NEBL: variants seen among roughly 807,000 people sequenced by gnomAD.
NEBL encodes nebulette.
Under a neutral mutation model 140.2 loss-of-function variants are expected in NEBL, and 122 were observed. The observed-to-expected ratio is 0.87, with a 90% CI of 0.75 to 1.01. NEBL has a LOEUF of 1.01. NEBL is among the 50% of genes least tolerant of loss of function. The probability of loss-of-function intolerance (pLI) is 0.00; values close to 1 mark genes in which losing one functional copy is unlikely to be tolerated. For missense variants in NEBL, 1,365 were observed against 1,231.3 expected (o/e 1.11, Z -1.62); for synonymous variants, 436 against 398.9 (o/e 1.09, Z -1.11).
chr10:21,289,314 G>C (rs1428326833), intron 1 of NEBL, among the ~76,000 whole-genome samples: 2 of 152,158 alleles, frequency 1.3e-5, no homozygotes, highest in Non-Finnish European at 2.9e-5. Flanking sequence ...TATTCACGGA[G>C]ATCATGAAGG....
intron 3 of NEBL, among the ~76,000 whole-genome samples, chr10:20,972,603 T>C (rs371329351): frequency 1.3e-5 from 2 of 151,770 alleles, no homozygotes; most frequent in Non-Finnish European, 1.5e-5. Flanking sequence ...AAAAATTAGC[T>C]GGGCATGGCA....
chr10:20,877,701 C>T (rs542129768), intron 5 of NEBL, among the ~76,000 whole-genome samples: 21 of 152,240 alleles, frequency 1.4e-4, no homozygotes, highest in Middle Eastern at 3.4e-3. Flanking sequence ...AGGCAAAGAC[C>T]CCATTTGCAT....
Position 21,193,024 on chromosome 10 carries a change from A to G in NEBL, n.349-20547T>C, listed in dbSNP as rs73609228. ...AGGACTGACTCGATGTTGAATGTTC[A>G]GCGATAAGAAGTTTGCTGGGCAGTC... is the stretch of plus-strand genomic sequence containing the variant. On this transcript the variant is annotated intron_variant and non_coding_transcript_variant, in intron 3 of 8. Coordinates refer to the NEBL transcript ENST00000675702. Among the ~76,000 whole-genome samples, 526 of 152,286 alleles carry G rather than the reference A, an allele frequency of 3.5e-3. 1 individual carries two copies. The highest frequency in any genetic ancestry group is 0.011 in the African/African-American group (470 of 41,558).
chr10:20,965,240 G>A (rs538138163), intron 3 of NEBL, among the ~76,000 whole-genome samples: 13 of 152,168 alleles, frequency 8.5e-5, no homozygotes, highest in Non-Finnish European at 1.8e-4. Context: ...TACAATGCAA[G>A]AGATGAAAAA....
At chr10:20,820,045 C>T (rs1363819074) in intron 19 of NEBL, among the ~76,000 whole-genome samples, 3 of 152,030 alleles carry the variant, frequency 2.0e-5, no homozygotes, top group African/African-American at 7.2e-5. Context: ...AGCACTAAAG[C>T]AACATTTATC....
intron 7 of NEBL, among the ~76,000 whole-genome samples, chr10:20,867,332 T>C (rs140902800): frequency 1.3e-5 from 2 of 152,294 alleles, no homozygotes; most frequent in South Asian, 2.1e-4. Flanking sequence ...ACTTATTTTA[T>C]GCTCTTCAAT....
chr10:20,951,908 T>C (rs1835489196), intron 4 of NEBL, among the ~76,000 whole-genome samples: 1 of 152,218 alleles, frequency 6.6e-6, no homozygotes, highest in East Asian at 1.9e-4. Flanking sequence ...CTAGTCTTTG[T>C]TAGACTTTCC....
chr10:20,884,984 T>C (rs913944174), intron 4 of NEBL, among the ~76,000 whole-genome samples: 2 of 152,248 alleles, frequency 1.3e-5, no homozygotes, highest in African/African-American at 4.8e-5. Flanking sequence ...TTTCAGGCAT[T>C]TTCTGTAAGT....
chr10:20,981,534 A>G (rs1837042106), intron 3 of NEBL, among the ~76,000 whole-genome samples: 1 of 152,190 alleles, frequency 6.6e-6, no homozygotes, highest in South Asian at 2.1e-4. Flanking sequence ...TTTGGGTAAC[A>G]GCACCCTGAC....
At chr10:20,848,760 T>A (rs1409612437) in intron 11 of NEBL, among the ~76,000 whole-genome samples, 1 of 152,164 alleles carries the variant, frequency 6.6e-6, no homozygotes, top group African/African-American at 2.4e-5. Context: ...GGAAAAATTG[T>A]CTTCCATGAA....
chr10:21,277,052 C>A (rs1842933343), intron 1 of NEBL, among the ~76,000 whole-genome samples: 1 of 151,832 alleles, frequency 6.6e-6, no homozygotes, highest in Non-Finnish European at 1.5e-5. Flanking sequence ...TCACTTGAGC[C>A]CAGGAGGTCA....
chr10:21,126,285 CT>C, intron 2 of NEBL: 2 of 660,280 alleles, frequency 3.0e-6, no homozygotes, highest in Non-Finnish European at 2.6e-6. Context: ...TCATTACAGC[CT>C]TAAGTATAGA....
At chr10:21,220,842 C>T (rs1245972631) in intron 3 of NEBL, among the ~76,000 whole-genome samples, 2 of 152,122 alleles carry the variant, frequency 1.3e-5, no homozygotes, top group Non-Finnish European at 2.9e-5. Context: ...GGACAAAGGA[C>T]CTGAATAGAT....
chr10:20,969,307 T>C (rs1299900537), intron 3 of NEBL, among the ~76,000 whole-genome samples: 1 of 151,988 alleles, frequency 6.6e-6, no homozygotes, highest in Non-Finnish European at 1.5e-5. Context: ...TAATTACCTT[T>C]TTAAACATAA....
intron 2 of NEBL, chr10:21,125,879 C>A: frequency 6.2e-7 from 1 of 1,614,026 alleles, no homozygotes. Context: ...TCTTTTATGC[C>A]CTGGAATTTA....
chr10:20,877,225 A>G (rs189590926), intron 5 of NEBL, among the ~76,000 whole-genome samples: 33 of 152,304 alleles, frequency 2.2e-4, no homozygotes, highest in African/African-American at 7.9e-4. Flanking sequence ...TTCATTTAAT[A>G]CTTGTGAGAA....
chr10:21,157,118 A>G (rs1468814951), intron 2 of NEBL, among the ~76,000 whole-genome samples: 1 of 152,246 alleles, frequency 6.6e-6, no homozygotes, highest in Non-Finnish European at 1.5e-5. Flanking sequence ...TTACTCCTTG[A>G]AAATATTAGT....
chr10:20,794,467 T>C (rs1203946726), intron 26 of NEBL, among the ~76,000 whole-genome samples: 1 of 152,230 alleles, frequency 6.6e-6, no homozygotes, highest in Non-Finnish European at 1.5e-5. Context: ...ATAAAACAAT[T>C]ATCGCCATTA....
intron 2 of NEBL, among the ~76,000 whole-genome samples, chr10:21,139,749 T>C (rs1263496790): frequency 6.6e-6 from 1 of 152,168 alleles, no homozygotes; most frequent in East Asian, 1.9e-4. Flanking sequence ...CTTGGCAACC[T>C]TGGGAAGGTA....
Sources: gnomAD v4.1 joint callset for allele counts (sites outside exome capture counted in the v4.1 genomes callset) on GRCh38, gnomAD v4.1.1 for gene constraint, MANE v1.5 for transcripts, NCBI Gene and HGNC (gene_info 2026-07-23, HGNC 2026-07-21) for gene names.